WWOX: variants seen among roughly 807,000 people sequenced by gnomAD.
WWOX encodes WW domain containing oxidoreductase.
Under a neutral mutation model 46.2 loss-of-function variants are expected in WWOX, and 69 were observed. That is an observed-to-expected ratio of 1.49 (90% CI 1.23 to 1.82). WWOX has a LOEUF of 1.82. Among genes scored for constraint, WWOX ranks in the 40% most tolerant of loss-of-function variants. The pLI, the probability that WWOX is intolerant of heterozygous loss-of-function variation, is 0.00. For synonymous variants in WWOX, 359 were observed against 202.6 expected (o/e 1.77, Z -6.56); for missense variants, 919 against 542.6 (o/e 1.69, Z -6.89).
chr16:78,696,801 A>G (rs1221766269), intron 8 of WWOX, among the ~76,000 whole-genome samples: 1 of 151,936 alleles, frequency 6.6e-6, no homozygotes, highest in African/African-American at 2.4e-5. Flanking sequence ...GTACTCCTTT[A>G]TGCCTCACCC....
intron 8 of WWOX, among the ~76,000 whole-genome samples, chr16:78,974,541 A>C (rs1034530635): frequency 6.6e-6 from 1 of 152,222 alleles, no homozygotes; most frequent in Non-Finnish European, 1.5e-5. Flanking sequence ...TTAATAAACC[A>C]TGTATTATTT....
rs111295426 is a variant in WWOX, at chr16:78,677,209, C to T, written c.1056+244457C>T. 6.6e-3 allele frequency among the ~76,000 whole-genome samples: 1,010 copies of T among 152,228 alleles called. 12 individuals are homozygous for T. The highest frequency in any genetic ancestry group is 0.023 in the African/African-American group (967 of 41,538). ...GGGGGTCCCAGGCAATCAGGCTCTTCTCAAACCTGAATTATACCCGGCCTC... is the reference window on the plus strand; with the variant it reads ...GGGGGTCCCAGGCAATCAGGCTCTTTTCAAACCTGAATTATACCCGGCCTC... On this transcript the variant is annotated intron_variant, in intron 8 of 8. Transcript: ENST00000566780.
intron 8 of WWOX, among the ~76,000 whole-genome samples, chr16:78,541,363 A>G (rs1410456019): frequency 6.7e-6 from 1 of 149,046 alleles, no homozygotes; most frequent in African/African-American, 2.5e-5. Context: ...AGTCCCAGCT[A>G]CTTGGGAGGC....
At chr16:78,971,561 G>C (rs575818553) in intron 8 of WWOX, among the ~76,000 whole-genome samples, 1 of 151,930 alleles carries the variant, frequency 6.6e-6, no homozygotes, top group East Asian at 1.9e-4. Context: ...GATCCCTGAC[G>C]GGTCAAATGG....
intron 8 of WWOX, among the ~76,000 whole-genome samples, chr16:78,507,421 T>G (rs1042929130): frequency 6.6e-6 from 1 of 152,208 alleles, no homozygotes; most frequent in African/African-American, 2.4e-5. Flanking sequence ...TATTCTAGTT[T>G]ATATCTCAGT....
chr16:78,706,920 C>T (rs2048339570), intron 8 of WWOX, among the ~76,000 whole-genome samples: 1 of 152,154 alleles, frequency 6.6e-6, no homozygotes, highest in Non-Finnish European at 1.5e-5. Context: ...GCCTCGGCCT[C>T]CCAAAGTATT....
chr16:78,968,412 T>C (rs946233447), intron 8 of WWOX, among the ~76,000 whole-genome samples: 14 of 152,326 alleles, frequency 9.2e-5, no homozygotes, highest in African/African-American at 3.4e-4. Flanking sequence ...AGAGACCAGG[T>C]CCTGGTGGTA....
chr16:78,658,971 A>T (rs1270508157), intron 8 of WWOX, among the ~76,000 whole-genome samples: 2 of 123,648 alleles, frequency 1.6e-5, no homozygotes, highest in East Asian at 2.4e-4. Flanking sequence ...GCGTGCCTGT[A>T]GTCCTAGCTA....
chr16:78,376,281 G>A (rs564740412), intron 5 of WWOX, among the ~76,000 whole-genome samples: 1 of 152,230 alleles, frequency 6.6e-6, no homozygotes, highest in East Asian at 1.9e-4. Context: ...AGCTAGTGAA[G>A]TATGTGGGGG....
intron 5 of WWOX, chr16:78,241,287 T>G (rs72790025): frequency 0.2 from 13,313 of 67,552 alleles, 776 homozygotes; most frequent in Non-Finnish European, 0.23. Flanking sequence ...ATCATTTGTG[T>G]TTTTTTTTCC....
At position 78,909,961 on chromosome 16, in the gene WWOX, T is replaced by A. The variant is rs186569101; in HGVS notation, c.1057-301647T>A. ...GGTTTCATCTTCTCTCCCTGGTACATAAAAGAATGCAATTCCACCTATATT... is the reference window on the plus strand; with the variant it reads ...GGTTTCATCTTCTCTCCCTGGTACAAAAAAGAATGCAATTCCACCTATATT... On this transcript the variant is annotated intron_variant, in intron 8 of 8. Transcript: ENST00000566780. Among the ~76,000 whole-genome samples the A allele has an allele frequency of 2.6e-5, 4 of 152,330 alleles. No individual in the cohort carries two copies. The East Asian group carries it at 5.8e-4, about 22-fold the overall frequency.
intron 8 of WWOX, among the ~76,000 whole-genome samples, chr16:78,683,400 C>G (rs1372135881): frequency 6.6e-6 from 1 of 151,396 alleles, no homozygotes; most frequent in South Asian, 2.1e-4. Context: ...AAAATTTAGG[C>G]GTGGTGGTGT....
At chr16:79,116,500 C>G (rs1052532364) in intron 8 of WWOX, among the ~76,000 whole-genome samples, 1 of 152,176 alleles carries the variant, frequency 6.6e-6, no homozygotes, top group African/African-American at 2.4e-5. Context: ...AGAGCAAGTT[C>G]CATTGCAAGA....
chr16:78,697,192 G>T (rs914568710), intron 8 of WWOX, among the ~76,000 whole-genome samples: 1 of 152,210 alleles, frequency 6.6e-6, no homozygotes, highest in Non-Finnish European at 1.5e-5. Flanking sequence ...TAGTGGGATT[G>T]CTGGATCAAA....
At chr16:78,359,310 T>C (rs147226735) in intron 5 of WWOX, among the ~76,000 whole-genome samples, 1 of 152,224 alleles carries the variant, frequency 6.6e-6, no homozygotes, top group Non-Finnish European at 1.5e-5. Context: ...ACAAAAAGTT[T>C]TAGCATTTTA....
chr16:78,873,094 G>GC (rs1359571824), intron 8 of WWOX: 1 of 152,210 alleles, frequency 6.6e-6, no homozygotes, highest in Non-Finnish European at 1.5e-5. Flanking sequence ...ACCACACCCA[G>GC]CCCAGAGGCC....
chr16:78,964,310 A>G (rs959475105), intron 8 of WWOX, among the ~76,000 whole-genome samples: 3 of 152,216 alleles, frequency 2.0e-5, no homozygotes, highest in African/African-American at 7.2e-5. Flanking sequence ...GCTGATAGCA[A>G]TATGGACAAT....
intron 8 of WWOX, among the ~76,000 whole-genome samples, chr16:79,089,117 T>A (rs986958275): frequency 1.2e-4 from 19 of 152,158 alleles, no homozygotes; most frequent in African/African-American, 4.1e-4. Flanking sequence ...AATGTGACTT[T>A]TCATCAGGAA....
chr16:79,104,804 A>C (rs1363953673), intron 8 of WWOX, among the ~76,000 whole-genome samples: 1 of 152,162 alleles, frequency 6.6e-6, no homozygotes, highest in Non-Finnish European at 1.5e-5. Context: ...ATTCATTAAG[A>C]GATTTCAGGA....
Sources: gnomAD v4.1 joint callset for allele counts (sites outside exome capture counted in the v4.1 genomes callset) on GRCh38, gnomAD v4.1.1 for gene constraint, MANE v1.5 for transcripts, NCBI Gene and HGNC (gene_info 2026-07-23, HGNC 2026-07-21) for gene names.